ADORA2B: variants seen among roughly 807,000 people sequenced by gnomAD.
ADORA2B encodes adenosine A2b receptor.
ADORA2B carries 18 observed loss-of-function variants against 20.8 expected under a neutral mutation model. That is an observed-to-expected ratio of 0.87 (90% CI 0.60 to 1.29). The LOEUF (loss-of-function observed/expected upper bound fraction) is 1.29, where lower values mean the gene tolerates loss of function less well. Among genes scored for constraint, ADORA2B ranks in the 50% most tolerant of loss-of-function variants. The pLI is 0.00. For synonymous variants in ADORA2B, 179 were observed against 178.3 expected, an observed-to-expected ratio of 1.00 and a Z score of -0.03; for missense variants, 441 against 422.7, an observed-to-expected ratio of 1.04 and a Z score of -0.38.
At chr17:15,882,245 C>T in the ADORA2B span, among the ~76,000 whole-genome samples, 2 of 152,114 alleles carry the variant, frequency 1.3e-5, no homozygotes, top group African/African-American at 4.8e-5. Context: ...CCAGCATGCC[C>T]CCTGGAGGTG....
At chr17:15,966,617 C>A (rs2151606264) in intron 1 of ADORA2B, among the ~76,000 whole-genome samples, 1 of 152,352 alleles carries the variant, frequency 6.6e-6, no homozygotes, top group South Asian at 2.1e-4. Flanking sequence ...TTGATTCCCT[C>A]CGTGTGACTG....
At chr17:15,945,905 AC>A (rs1597843582) in intron 1 of ADORA2B, among the ~76,000 whole-genome samples, 1 of 151,728 alleles carries the variant, frequency 6.6e-6, no homozygotes. Context: ...GGAAAGCGTC[AC>A]CCCCGTGGGC....
At chr17:15,874,903 G>A in the ADORA2B span, among the ~76,000 whole-genome samples, 5 of 152,098 alleles carry the variant, frequency 3.3e-5, no homozygotes, top group African/African-American at 1.2e-4. Context: ...TCTACACAAT[G>A]TGCAAGATTA....
At chr17:15,965,368 T>C (rs953743358) in intron 1 of ADORA2B, among the ~76,000 whole-genome samples, 11 of 152,196 alleles carry the variant, frequency 7.2e-5, no homozygotes, top group African/African-American at 2.2e-4. Context: ...TGGATACAGC[T>C]GTGAGTCTGT....
the ADORA2B span, among the ~76,000 whole-genome samples, chr17:15,902,801 G>A: frequency 1.3e-5 from 2 of 152,186 alleles, no homozygotes; most frequent in Admixed American, 6.5e-5. Context: ...TTCCTCAGTA[G>A]CCTTGAAGTT....
intron 1 of ADORA2B, among the ~76,000 whole-genome samples, chr17:15,965,687 G>A (rs2151605706): frequency 6.6e-6 from 1 of 152,386 alleles, no homozygotes; most frequent in Non-Finnish European, 1.5e-5. Flanking sequence ...TGACTGCTCT[G>A]CCGCAGGAGC....
At chr17:15,860,468 GTCTC>G in the ADORA2B span, among the ~76,000 whole-genome samples, 35 of 141,732 alleles carry the variant, frequency 2.5e-4, no homozygotes, top group East Asian at 3.3e-3. Flanking sequence ...CTGCCACTCT[GTCTC>G]TCTCTCTCTC....
At chr17:15,852,754 T>A in the ADORA2B span, among the ~76,000 whole-genome samples, 11 of 152,090 alleles carry the variant, frequency 7.2e-5, no homozygotes, top group African/African-American at 2.7e-4. Context: ...ACCTGTAGAT[T>A]AAACATTTTC....
chr17:15,915,780 C>G, the ADORA2B span, among the ~76,000 whole-genome samples: 1 of 152,114 alleles, frequency 6.6e-6, no homozygotes, highest in Non-Finnish European at 1.5e-5. Context: ...TATTTAAGCC[C>G]TCAGTGGATT....
At chr17:15,877,804 G>A in the ADORA2B span, among the ~76,000 whole-genome samples, 1 of 151,992 alleles carries the variant, frequency 6.6e-6, no homozygotes, top group Non-Finnish European at 1.5e-5. Flanking sequence ...CCGACCTGAA[G>A]CACCTCTTGC....
chr17:15,855,190 C>T, the ADORA2B span, among the ~76,000 whole-genome samples: 1 of 152,168 alleles, frequency 6.6e-6, no homozygotes, highest in African/African-American at 2.4e-5. Flanking sequence ...CTCGGCCTCC[C>T]AAAGTGCTGG....
At chr17:15,885,614 T>C in the ADORA2B span, among the ~76,000 whole-genome samples, 9 of 151,546 alleles carry the variant, frequency 5.9e-5, no homozygotes, top group Non-Finnish European at 1.2e-4. Context: ...CTCAGGAGGC[T>C]GAGGCACGAG....
At chr17:15,929,685 T>C in the ADORA2B span, among the ~76,000 whole-genome samples, 46 of 152,160 alleles carry the variant, frequency 3.0e-4, no homozygotes, top group Admixed American at 1.2e-3. Context: ...TATTCAACTT[T>C]AAAAAGGAAA....
the ADORA2B span, among the ~76,000 whole-genome samples, chr17:15,923,972 G>GC: frequency 6.6e-6 from 1 of 152,118 alleles, no homozygotes; most frequent in African/African-American, 2.4e-5. Flanking sequence ...GAGCGCAATG[G>GC]CGTGATCTTG....
the ADORA2B span, among the ~76,000 whole-genome samples, chr17:15,912,492 G>A: frequency 1.5e-4 from 23 of 152,060 alleles, no homozygotes; most frequent in Non-Finnish European, 4.4e-5. Context: ...TTCTCCCTAG[G>A]GCCTCTGCAT....
At chr17:15,919,155 C>G in the ADORA2B span, among the ~76,000 whole-genome samples, 1 of 152,224 alleles carries the variant, frequency 6.6e-6, no homozygotes, top group Admixed American at 6.5e-5. Flanking sequence ...GGGAAGGAAA[C>G]TGTGATGGGC....
chr17:15,941,728 C>CA (rs750541311), upstream of ADORA2B, among the ~76,000 whole-genome samples: 6,996 of 87,218 alleles, frequency 0.08, 256 homozygotes, highest in African/African-American at 0.15. Context: ...ACTCTTGTTT[C>CA]AAAAAAAAAA....
At chr17:15,972,079 A>G (rs1970194682) in intron 1 of ADORA2B, among the ~76,000 whole-genome samples, 1 of 152,222 alleles carries the variant, frequency 6.6e-6, no homozygotes, top group Admixed American at 6.5e-5. Flanking sequence ...CAGCTCTATG[A>G]CAAGTGAGTT....
At chr17:15,959,494 A>ATT (rs56097835) in intron 1 of ADORA2B, among the ~76,000 whole-genome samples, 58 of 75,910 alleles carry the variant, frequency 7.6e-4, no homozygotes, top group African/African-American at 2.1e-3. Flanking sequence ...TCACATTCTG[A>ATT]TTTTTTTTTT....
Sources: allele counts gnomAD v4.1 joint callset (sites outside exome capture counted in the v4.1 genomes callset), GRCh38; gene constraint gnomAD v4.1.1; transcripts MANE v1.5; gene names NCBI Gene and HGNC (gene_info 2026-07-23, HGNC 2026-07-21).